SDK1: variants seen among roughly 807,000 people sequenced by gnomAD.
The protein encoded by SDK1 is sidekick cell adhesion molecule 1.
SDK1 carries 157 observed loss-of-function variants against 245.5 expected under a neutral mutation model. The observed-to-expected ratio is 0.64, with a 90% CI of 0.56 to 0.73. The LOEUF (loss-of-function observed/expected upper bound fraction) is 0.73, where lower values mean the gene tolerates loss of function less well. SDK1 is among the 30% of genes least tolerant of loss of function. The probability of loss-of-function intolerance (pLI) is 0.00; values close to 1 mark genes in which losing one functional copy is unlikely to be tolerated. For missense variants in SDK1, 3,583 were observed against 3,002.3 expected (o/e 1.19, Z -4.52); for synonymous variants, 1,647 against 1,278.5 (o/e 1.29, Z -6.15).
At chr7:3,560,157 C>T (rs945746725) in intron 1 of SDK1, among the ~76,000 whole-genome samples, 2 of 152,178 alleles carry the variant, frequency 1.3e-5, no homozygotes, top group African/African-American at 4.8e-5. Context: ...TTAAATGTTA[C>T]TTATCATAAA....
rs970459894 is a variant in SDK1 at position 3,358,105 on chromosome 7, T to C, written c.298+56221T>C. On this transcript the variant is annotated intron_variant, in intron 1 of 44. Coordinates refer to ENST00000404826, the MANE Select transcript of SDK1 (RefSeq NM_152744.4). ...GACAGGATCTCGGCTCACTGCAACC[T>C]CTGCCTCCTGGATTCCAGCGATTCT... Among the ~76,000 whole-genome samples the C allele has an allele frequency of 3.1e-4, 47 of 152,142 alleles. 2 individuals carry two copies. The highest frequency in any genetic ancestry group is 9.8e-4 in the Admixed American group (15 of 15,278).
intron 7 of SDK1, among the ~76,000 whole-genome samples, chr7:3,952,959 C>T (rs1371763190): frequency 3.3e-5 from 5 of 152,080 alleles, no homozygotes; most frequent in Non-Finnish European, 5.9e-5. Context: ...TCATAAGTGG[C>T]CGTGATGACT....
chr7:3,997,644 A>G (rs946961265), intron 14 of SDK1, among the ~76,000 whole-genome samples: 1 of 152,260 alleles, frequency 6.6e-6, no homozygotes, highest in Non-Finnish European at 1.5e-5. Context: ...GGCTGAGCCC[A>G]GGGTTTTTAT....
At chr7:3,928,919 G>C (rs1583577389) in intron 5 of SDK1, among the ~76,000 whole-genome samples, 3 of 152,258 alleles carry the variant, frequency 2.0e-5, no homozygotes, top group African/African-American at 7.2e-5. Flanking sequence ...CGTGCATTCT[G>C]TCACTCGGCT....
chr7:3,629,781 A>T (rs1386065159), intron 2 of SDK1, among the ~76,000 whole-genome samples: 2 of 152,232 alleles, frequency 1.3e-5, no homozygotes, highest in Non-Finnish European at 2.9e-5. Flanking sequence ...CTAATCAAAG[A>T]TCATCAAGCA....
intron 3 of SDK1, among the ~76,000 whole-genome samples, chr7:3,640,928 C>T (rs1195572634): frequency 5.3e-5 from 8 of 151,988 alleles, no homozygotes; most frequent in South Asian, 4.2e-4. Context: ...GTGATCCACC[C>T]GCCTCGGCCT....
At chr7:3,825,617 G>A (rs1779755789) in intron 5 of SDK1, among the ~76,000 whole-genome samples, 1 of 152,094 alleles carries the variant, frequency 6.6e-6, no homozygotes, top group African/African-American at 2.4e-5. Flanking sequence ...ACAAACCCTT[G>A]CTTTTAATTC....
intron 1 of SDK1, among the ~76,000 whole-genome samples, chr7:3,612,432 A>G (rs978728600): frequency 1.3e-5 from 2 of 152,188 alleles, no homozygotes; most frequent in African/African-American, 4.8e-5. Context: ...AGCACATTGC[A>G]CTGTGAGATT....
chr7:4,190,565 AGGAGTG>A (rs1192850753), intron 35 of SDK1, among the ~76,000 whole-genome samples: 1 of 152,236 alleles, frequency 6.6e-6, no homozygotes, highest in East Asian at 1.9e-4. Flanking sequence ...GCCCTCGCCA[AGGAGTG>A]CAGAGTGGAG....
chr7:3,465,273 G>T (rs1780961823), intron 1 of SDK1, among the ~76,000 whole-genome samples: 1 of 151,936 alleles, frequency 6.6e-6, no homozygotes, highest in African/African-American at 2.4e-5. Context: ...GACAATGAAT[G>T]GTATCGTCTA....
chr7:3,738,162 T>A (rs1173590927), intron 4 of SDK1, among the ~76,000 whole-genome samples: 1 of 152,244 alleles, frequency 6.6e-6, no homozygotes, highest in Non-Finnish European at 1.5e-5. Context: ...TGTTTTATTG[T>A]AAGTGCTTTC....
At chr7:3,838,389 G>A (rs1780074339) in intron 5 of SDK1, among the ~76,000 whole-genome samples, 1 of 152,184 alleles carries the variant, frequency 6.6e-6, no homozygotes, top group Non-Finnish European at 1.5e-5. Context: ...GGAATTGGAA[G>A]GTTTCCCCTG....
intron 5 of SDK1, among the ~76,000 whole-genome samples, chr7:3,857,578 T>C (rs1430772175): frequency 6.6e-6 from 1 of 151,906 alleles, no homozygotes; most frequent in Non-Finnish European, 1.5e-5. Context: ...TTCCAGCTTC[T>C]TGAGAGGTTG....
At chr7:3,806,354 CCACATTAGGAT>C (rs1562457021) in intron 4 of SDK1, among the ~76,000 whole-genome samples, 6 of 118,130 alleles carry the variant, frequency 5.1e-5, no homozygotes, top group African/African-American at 3.4e-4. Flanking sequence ...ATGTGGATGT[CCACATTAGGAT>C]GTGGATGTCC....
At chr7:3,311,951 T>TGGGTCTGCATA (rs1779560723) in intron 1 of SDK1, among the ~76,000 whole-genome samples, 1 of 152,192 alleles carries the variant, frequency 6.6e-6, no homozygotes, top group South Asian at 2.1e-4. Context: ...GGCATGGCCT[T>TGGGTCTGCATA]GGGTCTGCAT....
rs562549387 is a variant in SDK1, at chr7:3,979,855, A to G, written c.1994+5310A>G. ...TTATGGATTGATTAATTGTTAAATC[A>G]TTTAAAGACCCAATTAGCATTTCAT... On this transcript the variant is annotated intron_variant, in intron 13 of 44. Transcript: ENST00000404826. 4.9e-4 allele frequency among the ~76,000 whole-genome samples: 74 copies of G among 152,330 alleles called. 1 individual carries two copies. Among genetic ancestry groups the G allele is most frequent in the African/African-American group, 1.4e-3 (59 of 41,566 alleles).
chr7:3,652,033 G>T (rs140131142), intron 4 of SDK1, among the ~76,000 whole-genome samples: 61 of 152,292 alleles, frequency 4.0e-4, no homozygotes, highest in African/African-American at 1.4e-3. Context: ...AATCTAGAAG[G>T]CAATGCAGGG....
intron 1 of SDK1, among the ~76,000 whole-genome samples, chr7:3,320,703 C>A (rs1030047210): frequency 7.2e-5 from 11 of 152,082 alleles, no homozygotes; most frequent in African/African-American, 2.4e-4. Flanking sequence ...CTGCTTGACA[C>A]AGGGCATTTG....
At chr7:3,488,746 A>T (rs1781779104) in intron 1 of SDK1, among the ~76,000 whole-genome samples, 1 of 152,186 alleles carries the variant, frequency 6.6e-6, no homozygotes, top group Non-Finnish European at 1.5e-5. Flanking sequence ...GGGCCTCAGT[A>T]GCATCATCAA....
Sources: gnomAD v4.1 joint callset for allele counts (sites outside exome capture counted in the v4.1 genomes callset) on GRCh38, gnomAD v4.1.1 for gene constraint, MANE v1.5 for transcripts, NCBI Gene and HGNC (gene_info 2026-07-23, HGNC 2026-07-21) for gene names.